ARID1B: variants seen among roughly 807,000 people sequenced by gnomAD.
ARID1B encodes AT-rich interaction domain 1B, also known as AT-rich interactive domain-containing protein 1B.
ARID1B carries 30 observed loss-of-function variants against 212.3 expected under a neutral mutation model. That is an observed-to-expected ratio of 0.14 (90% CI 0.11 to 0.19). ARID1B has a LOEUF of 0.19. ARID1B is among the 10% of genes least tolerant of loss of function. The probability of loss-of-function intolerance (pLI) is 1.00; values close to 1 mark genes in which losing one functional copy is unlikely to be tolerated. For missense variants in ARID1B, 2,891 were observed against 3,204.0 expected, an observed-to-expected ratio of 0.90 and a Z score of 2.36; for synonymous variants, 1,402 against 1,301.7, an observed-to-expected ratio of 1.08 and a Z score of -1.66.
At chr6:156,953,091 T>C (rs1416290139) in intron 4 of ARID1B, among the ~76,000 whole-genome samples, 1 of 152,212 alleles carries the variant, frequency 6.6e-6, no homozygotes, top group Non-Finnish European at 1.5e-5. Context: ...CTTTATGCAC[T>C]TATTATTATT....
rs1044766748 is a variant in ARID1B at position 157,200,595 on chromosome 6, T to A, written c.4480-110T>A. ...TCTGTTGTTATAGGAGCTTCCCATA[T>A]TCATTTTGAAATGAACATTCTAGCA... On this transcript the variant is annotated intron_variant, in intron 17 of 19. Transcript: ENST00000636930. This position sits in a 1 kb window ranked among gnomAD's most constrained non-coding sequence, Gnocchi z 4.3. 4.6e-5 allele frequency: 59 copies of A among 1,281,348 alleles called. 1 individual carries two copies. In the South Asian group the frequency reaches 7.0e-4, roughly 15 times the overall value. 79.4% of individuals were successfully genotyped at this position (1,281,348 alleles called of 1,614,324 possible).
At chr6:157,065,810 A>G (rs755422543) in intron 4 of ARID1B, among the ~76,000 whole-genome samples, 5 of 152,246 alleles carry the variant, frequency 3.3e-5, no homozygotes, top group Non-Finnish European at 5.9e-5. Context: ...ACAAATGACT[A>G]TGCTGTCATT....
At chr6:157,010,697 T>G (rs1779552317) in intron 4 of ARID1B, among the ~76,000 whole-genome samples, 1 of 152,104 alleles carries the variant, frequency 6.6e-6, no homozygotes, top group African/African-American at 2.4e-5. Flanking sequence ...CAAGACTTCT[T>G]TTCAGTTTAG....
chr6:157,036,702 G>C (rs1781354357), intron 4 of ARID1B: 1 of 384,654 alleles, frequency 2.6e-6, no homozygotes, highest in Admixed American at 3.1e-5. Flanking sequence ...TCTCTTTCTT[G>C]ACAACTGACA....
intron 5 of ARID1B, among the ~76,000 whole-genome samples, chr6:157,099,319 G>C (rs1329707707): frequency 6.6e-6 from 1 of 152,106 alleles, no homozygotes; most frequent in Non-Finnish European, 1.5e-5. Context: ...GCATCACCAT[G>C]TATCCTCTGA....
intron 4 of ARID1B, among the ~76,000 whole-genome samples, chr6:157,039,666 C>CTTTCT (rs1781627207): frequency 8.1e-5 from 4 of 49,384 alleles, no homozygotes; most frequent in African/African-American, 5.8e-4. Context: ...TCCTTCCTTC[C>CTTTCT]TTCCTTCCTT....
chr6:156,901,734 T>G, intron 3 of ARID1B: 1 of 651,602 alleles, frequency 1.5e-6, no homozygotes, highest in Non-Finnish European at 2.5e-6. Flanking sequence ...AATGACTGGT[T>G]TAATAGCTGC....
At chr6:157,015,605 A>G (rs768197707) in intron 4 of ARID1B, among the ~76,000 whole-genome samples, 2 of 152,234 alleles carry the variant, frequency 1.3e-5, no homozygotes, top group Non-Finnish European at 2.9e-5. Context: ...TGACACTTCT[A>G]GAGCTGATCA....
intron 2 of ARID1B, among the ~76,000 whole-genome samples, chr6:156,841,861 A>G (rs1434307159): frequency 6.6e-6 from 1 of 152,196 alleles, no homozygotes; most frequent in Admixed American, 6.5e-5. Flanking sequence ...ACTAAGTGCT[A>G]TAACAAGCAT....
chr6:157,032,882 A>T (rs1325824469), intron 4 of ARID1B, among the ~76,000 whole-genome samples: 1 of 152,032 alleles, frequency 6.6e-6, no homozygotes, highest in African/African-American at 2.4e-5. Context: ...CATTCTTTTT[A>T]CTTAATAGAG....
At chr6:156,790,299 A>G (rs1779922736) in intron 1 of ARID1B, among the ~76,000 whole-genome samples, 1 of 152,244 alleles carries the variant, frequency 6.6e-6, no homozygotes, top group African/African-American at 2.4e-5. Context: ...GTAGATATCC[A>G]GAAAATATTT....
intron 1 of ARID1B, among the ~76,000 whole-genome samples, chr6:156,815,767 A>G (rs1781922637): frequency 6.6e-6 from 1 of 152,242 alleles, no homozygotes. Context: ...ATCCAGCTAT[A>G]TATAAAAATC....
chr6:157,185,003 G>C (rs1792876183), intron 13 of ARID1B: 1 of 158,700 alleles, frequency 6.3e-6, no homozygotes, highest in Non-Finnish European at 1.4e-5. Context: ...GGAAACAGGT[G>C]GTCTTTTGCA....
rs1347441742 is a variant in ARID1B at position 156,812,874 on chromosome 6, A to AT, written c.1792-16352dup. 3.7e-3 allele frequency among the ~76,000 whole-genome samples: 522 copies of AT among 142,186 alleles called. 2 individuals carry two copies. Among genetic ancestry groups the AT allele is most frequent in the African/African-American group, 0.013 (486 of 36,234 alleles). The allele number at this position is 142,186 out of a possible 152,430, so 93.3% of individuals were successfully genotyped here. The stretch of plus-strand genomic sequence containing the variant: ...AAGCTCCACTTTCATGTGGTATGTT[A>AT]TAAAAAAAAAAAAAAAAGCTTTCCT... On this transcript the variant is annotated intron_variant, in intron 1 of 19. Transcript: ENST00000636930.
chr6:156,778,198 C>CCCACCA lies in ARID1B; in HGVS notation c.531_536dup (p.His178_His179dup), dbSNP rs754114025. 57 of 1,538,096 alleles carry CCCACCA rather than the reference C, an allele frequency of 3.7e-5. No homozygotes were observed. The highest frequency in any genetic ancestry group is 7.4e-5 in the East Asian group (3 of 40,748). ...CAGCAGCACCACCACCACCACCATG[C>CCCACCA]CCACCACCACCACCACCATGCCCAC... On this transcript the variant is annotated inframe_insertion, in exon 1 of 20. Coordinates refer to ENST00000636930, the MANE Select transcript of ARID1B (RefSeq NM_001374828.1).
intron 7 of ARID1B, among the ~76,000 whole-genome samples, chr6:157,144,085 G>A (rs748282407): frequency 6.6e-6 from 1 of 152,228 alleles, no homozygotes; most frequent in African/African-American, 2.4e-5. Context: ...TTGAAACACA[G>A]CTCCTCTCTC....
At chr6:156,856,692 TCTCTCTCTCACACACACACACA>T (rs1033600878) in intron 2 of ARID1B, among the ~76,000 whole-genome samples, 4 of 83,402 alleles carry the variant, frequency 4.8e-5, no homozygotes, top group Non-Finnish European at 7.6e-5. Flanking sequence ...TCTCTCTCTC[TCTCTCTCTCACACACACACACA>T]CACACACACA....
chr6:157,109,945 A>G (rs888218034), intron 5 of ARID1B, among the ~76,000 whole-genome samples: 6 of 152,250 alleles, frequency 3.9e-5, no homozygotes, highest in African/African-American at 7.2e-5. Context: ...GTGATCATGT[A>G]TACTGCATTT....
intron 4 of ARID1B, among the ~76,000 whole-genome samples, chr6:157,060,035 C>T (rs1783241267): frequency 6.6e-6 from 1 of 152,112 alleles, no homozygotes; most frequent in South Asian, 2.1e-4. Flanking sequence ...TTCTAATTAC[C>T]AGATTCCTGA....
Sources: gnomAD v4.1 joint callset for allele counts (sites outside exome capture counted in the v4.1 genomes callset) on GRCh38, gnomAD v4.1.1 for gene constraint, Gnocchi (gnomAD v3.1) non-coding constraint, MANE v1.5 for transcripts, NCBI Gene and HGNC (gene_info 2026-07-23, HGNC 2026-07-21) for gene names.